CACNA2D3: variants seen among roughly 807,000 people sequenced by gnomAD.
CACNA2D3 encodes calcium voltage-gated channel auxiliary subunit alpha2delta 3, also known as voltage-dependent calcium channel subunit alpha-2/delta-3.
In CACNA2D3, 60 loss-of-function variants were observed where a neutral mutation model predicts 160.6. That is an observed-to-expected ratio of 0.37 (90% CI 0.30 to 0.46). The LOEUF is 0.46. Among genes scored for constraint, CACNA2D3 ranks in the 20% least tolerant of loss-of-function variants. The pLI, the probability that CACNA2D3 is intolerant of heterozygous loss-of-function variation, is 1.00. For synonymous variants in CACNA2D3, 558 were observed against 492.9 expected (o/e 1.13, Z -1.75); for missense variants, 1,205 against 1,365.0 (o/e 0.88, Z 1.85).
chr3:54,664,116 G>C (rs1283933495), intron 11 of CACNA2D3, among the ~76,000 whole-genome samples: 1 of 152,232 alleles, frequency 6.6e-6, no homozygotes, highest in Non-Finnish European at 1.5e-5. Context: ...CAAAGAGGTT[G>C]CATCCCCAAG....
At chr3:54,879,445 A>G in intron 20 of CACNA2D3, 34 bp downstream of exon 20, 1 of 1,456,214 alleles carries the variant, frequency 6.9e-7, no homozygotes, top group Non-Finnish European at 9.6e-7. Context: ...ACATTCCATC[A>G]GACCCATCAG....
At chr3:54,785,912 C>A (rs1196568219) in intron 13 of CACNA2D3, among the ~76,000 whole-genome samples, 1 of 152,188 alleles carries the variant, frequency 6.6e-6, no homozygotes, top group Non-Finnish European at 1.5e-5. Context: ...CCTGGAACAT[C>A]CCTGCAGACT....
At chr3:54,984,239 C>T (rs572727762) in intron 29 of CACNA2D3, among the ~76,000 whole-genome samples, 9 of 152,122 alleles carry the variant, frequency 5.9e-5, no homozygotes, top group Non-Finnish European at 1.2e-4. Flanking sequence ...GCACTTCAAC[C>T]GCCAATACAG....
intron 17 of CACNA2D3, among the ~76,000 whole-genome samples, chr3:54,847,515 A>G (rs568593496): frequency 6.6e-6 from 1 of 152,322 alleles, no homozygotes; most frequent in South Asian, 2.1e-4. Flanking sequence ...CACTTGCATC[A>G]TTGTTTAGAA....
chr3:54,930,407 C>T (rs1052969431), intron 27 of CACNA2D3, among the ~76,000 whole-genome samples: 3 of 152,212 alleles, frequency 2.0e-5, no homozygotes, highest in African/African-American at 4.8e-5. Context: ...TACTTACCAG[C>T]TTTAAGGGGG....
intron 2 of CACNA2D3, among the ~76,000 whole-genome samples, chr3:54,288,639 A>G (rs1214499060): frequency 6.6e-6 from 1 of 152,164 alleles, no homozygotes; most frequent in East Asian, 1.9e-4. Flanking sequence ...TTTTAGACCA[A>G]TATCCTTGAT....
chr3:54,844,596 T>C (rs1698893697), intron 16 of CACNA2D3, among the ~76,000 whole-genome samples: 1 of 152,164 alleles, frequency 6.6e-6, no homozygotes, highest in South Asian at 2.1e-4. Context: ...CACCCCGCCA[T>C]ATATTGTTAA....
rs963283374 is a variant in CACNA2D3, at chr3:54,615,246, C to T, written c.964-12541C>T. 1.3e-5 allele frequency among the ~76,000 whole-genome samples: 2 copies of T among 152,282 alleles called. 1 individual carries two copies. The highest frequency in any genetic ancestry group is 4.8e-5 in the African/African-American group (2 of 41,550). On this transcript the variant is annotated intron_variant, in intron 9 of 37. Coordinates refer to ENST00000474759, the MANE Select transcript of CACNA2D3 (RefSeq NM_018398.3). ...GATGACTACCATCATCGCAAGGAGA[C>T]TACTACTCATTTGTTGGAGGGAAGT...
intron 2 of CACNA2D3, among the ~76,000 whole-genome samples, chr3:54,272,509 A>G (rs888618503): frequency 1.3e-5 from 2 of 151,908 alleles, no homozygotes; most frequent in Non-Finnish European, 2.9e-5. Context: ...AGAAGGTGCA[A>G]GTGATCCCTG....
intron 23 of CACNA2D3, among the ~76,000 whole-genome samples, chr3:54,886,508 C>G (rs1007069930): frequency 1.3e-5 from 2 of 151,718 alleles, no homozygotes; most frequent in Admixed American, 6.6e-5. Context: ...GCCACACTTA[C>G]TCCAGGTGCT....
At chr3:54,644,022 C>G (rs954221674) in intron 11 of CACNA2D3, among the ~76,000 whole-genome samples, 3 of 152,080 alleles carry the variant, frequency 2.0e-5, no homozygotes, top group African/African-American at 2.4e-5. Flanking sequence ...TCATGTGAGT[C>G]TCACATGTTG....
intron 2 of CACNA2D3, among the ~76,000 whole-genome samples, chr3:54,150,669 C>T (rs1051881095): frequency 6.6e-6 from 1 of 152,088 alleles, no homozygotes; most frequent in Non-Finnish European, 1.5e-5. Context: ...GAGCCATGGT[C>T]AAATTACCCT....
At chr3:54,314,702 T>A (rs76628885) in intron 2 of CACNA2D3, among the ~76,000 whole-genome samples, 1 of 152,256 alleles carries the variant, frequency 6.6e-6, no homozygotes, top group East Asian at 1.9e-4. Flanking sequence ...TATGTGTATA[T>A]CTTCTTTTGA....
rs1704194406 is a variant in CACNA2D3, at chr3:54,329,416, G to C, written c.321+8858G>C. 7.9e-5 allele frequency among the ~76,000 whole-genome samples: 12 copies of C among 152,266 alleles called. No homozygotes were observed. In the South Asian group the frequency reaches 2.3e-3, roughly 29 times the overall value. On this transcript the variant is annotated intron_variant, in intron 3 of 37. Coordinates refer to ENST00000474759, the MANE Select transcript of CACNA2D3 (RefSeq NM_018398.3). ...GCTACACCCCTTCCCTTTGGCCAGA[G>C]AACTCCTGATAAAGGGGAAAAGAAA...
At chr3:54,842,956 G>C (rs1698852846) in intron 16 of CACNA2D3, among the ~76,000 whole-genome samples, 1 of 151,000 alleles carries the variant, frequency 6.6e-6, no homozygotes, top group Non-Finnish European at 1.5e-5. Context: ...ACCTAGGGTT[G>C]AGAGGCGGAA....
intron 4 of CACNA2D3, among the ~76,000 whole-genome samples, chr3:54,459,102 A>T (rs1700452277): frequency 6.6e-6 from 1 of 152,040 alleles, no homozygotes; most frequent in Non-Finnish European, 1.5e-5. Flanking sequence ...GGACATGAAC[A>T]CATCATTTTT....
intron 3 of CACNA2D3, among the ~76,000 whole-genome samples, chr3:54,384,281 CA>C (rs1260508753): frequency 2.0e-5 from 3 of 152,148 alleles, no homozygotes; most frequent in African/African-American, 7.2e-5. Flanking sequence ...AATAAATGCT[CA>C]AATGCATGAC....
At chr3:55,070,060 A>G (rs1704766359) in intron 35 of CACNA2D3, among the ~76,000 whole-genome samples, 5 of 152,182 alleles carry the variant, frequency 3.3e-5, no homozygotes, top group Non-Finnish European at 7.3e-5. Flanking sequence ...CTCAACAAAT[A>G]CTTACTGAGA....
intron 9 of CACNA2D3, among the ~76,000 whole-genome samples, chr3:54,623,811 A>G (rs1474324087): frequency 6.6e-6 from 1 of 152,206 alleles, no homozygotes; most frequent in Admixed American, 6.5e-5. Context: ...AATGTTAGGT[A>G]ATTTTATTAA....
Sources: allele counts gnomAD v4.1 joint callset (sites outside exome capture counted in the v4.1 genomes callset), GRCh38; gene constraint gnomAD v4.1.1; transcripts MANE v1.5; gene names NCBI Gene and HGNC (gene_info 2026-07-23, HGNC 2026-07-21).